The following UBE2K variants were observed in gnomAD, a reference collection of about 807,000 sequenced individuals.
UBE2K encodes the protein ubiquitin-conjugating enzyme E2 K.
UBE2K carries 6 observed loss-of-function variants against 30.0 expected under a neutral mutation model. The ratio of observed to expected loss-of-function variants is 0.20; its 90% CI spans 0.11 to 0.39. The LOEUF (loss-of-function observed/expected upper bound fraction) is 0.39. Among genes scored for constraint, UBE2K ranks in the 10% least tolerant of loss-of-function variants. The pLI is 1.00. For missense variants in UBE2K, 61 were observed against 241.6 expected, an observed-to-expected ratio of 0.25 and a Z score of 4.96; for synonymous variants, 86 against 83.7, an observed-to-expected ratio of 1.03 and a Z score of -0.15.
chr4:39,724,055 C>A (rs1038867316), intron 1 of UBE2K, among the ~76,000 whole-genome samples: 16 of 152,170 alleles, frequency 1.1e-4, no homozygotes, highest in Admixed American at 6.5e-5. Context: ...TTAGGTGATC[C>A]ACCCGCCTCA....
chr4:39,730,220 T>TG (rs1719993179), intron 1 of UBE2K, among the ~76,000 whole-genome samples: 1 of 152,210 alleles, frequency 6.6e-6, no homozygotes, highest in South Asian at 2.1e-4. Context: ...AGTCTCACTC[T>TG]GTCACACAGG....
chr4:39,770,230 C>T, intron 4 of UBE2K: 1 of 1,611,820 alleles, frequency 6.2e-7, no homozygotes, highest in Non-Finnish European at 8.5e-7. Flanking sequence ...GGCTGCGCTC[C>T]CGAGTGCAGG....
chr4:39,741,165 G>A (rs1720683004), intron 2 of UBE2K, among the ~76,000 whole-genome samples: 1 of 152,008 alleles, frequency 6.6e-6, no homozygotes, highest in Non-Finnish European at 1.5e-5. Flanking sequence ...CAGCTACTCA[G>A]GAGGCTGAGG....
At chr4:39,772,397 CAAA>C (rs34937270) in intron 4 of UBE2K, among the ~76,000 whole-genome samples, 21 of 127,216 alleles carry the variant, frequency 1.7e-4, no homozygotes, top group African/African-American at 6.1e-4. Flanking sequence ...CTGTCTCTAC[CAAA>C]AAAAAAAAAA....
chr4:39,731,932 C>T (rs1336644125), intron 1 of UBE2K, among the ~76,000 whole-genome samples: 1 of 152,034 alleles, frequency 6.6e-6, no homozygotes, highest in African/African-American at 2.4e-5. Context: ...TTACTTGTAA[C>T]TTTAGGGGGC....
chr4:39,765,336 C>A (rs181190052), intron 4 of UBE2K, among the ~76,000 whole-genome samples: 2,085 of 152,034 alleles, frequency 0.014, 43 homozygotes, highest in Non-Finnish European at 0.017. Context: ...CCAGCCTGGG[C>A]AACATGGTGA....
intron 1 of UBE2K, among the ~76,000 whole-genome samples, chr4:39,701,175 A>C (rs550033631): frequency 6.6e-6 from 1 of 152,064 alleles, no homozygotes; most frequent in Non-Finnish European, 1.5e-5. Flanking sequence ...TTTGTTTTAG[A>C]TGTTTGTTTT....
chr4:39,760,161 A>C (rs995968620), intron 4 of UBE2K, among the ~76,000 whole-genome samples: 2 of 120,726 alleles, frequency 1.7e-5, no homozygotes, highest in Non-Finnish European at 3.2e-5. Context: ...TGGGTGACAG[A>C]GCGAGACTCT....
At chr4:39,771,667 TCG>T (rs755443344) in intron 4 of UBE2K, among the ~76,000 whole-genome samples, 6 of 151,996 alleles carry the variant, frequency 3.9e-5, no homozygotes, top group African/African-American at 7.2e-5. Context: ...GTTCCAGGCC[TCG>T]CGCGCGCGGC....
chr4:39,715,940 A>G (rs1445986689), intron 1 of UBE2K, among the ~76,000 whole-genome samples: 2 of 152,102 alleles, frequency 1.3e-5, no homozygotes, highest in Non-Finnish European at 2.9e-5. Flanking sequence ...TCTCTCTACC[A>G]TGTCATACTG....
intron 1 of UBE2K, among the ~76,000 whole-genome samples, chr4:39,721,294 A>G (rs961264783): frequency 1.4e-4 from 22 of 152,074 alleles, no homozygotes; most frequent in African/African-American, 5.3e-4. Flanking sequence ...CATTTAGGAA[A>G]CCTTTTTAGG....
chr4:39,734,631 C>T (rs1321877564), intron 1 of UBE2K, among the ~76,000 whole-genome samples: 1 of 151,978 alleles, frequency 6.6e-6, no homozygotes, highest in Non-Finnish European at 1.5e-5. Flanking sequence ...AGAAACATGG[C>T]AAAACCCCCT....
At chr4:39,703,143 A>G (rs1718129712) in intron 1 of UBE2K, among the ~76,000 whole-genome samples, 1 of 151,992 alleles carries the variant, frequency 6.6e-6, no homozygotes, top group Non-Finnish European at 1.5e-5. Context: ...GGCGCCTACT[A>G]CCATGCCCGG....
At chr4:39,773,935 C>G (rs1713111509) in intron 4 of UBE2K, among the ~76,000 whole-genome samples, 1 of 151,686 alleles carries the variant, frequency 6.6e-6, no homozygotes, top group African/African-American at 2.4e-5. Context: ...CTAAACTAAA[C>G]TAAACTAACA....
chr4:39,753,935 A>G (rs557861218), intron 3 of UBE2K, among the ~76,000 whole-genome samples: 3 of 152,288 alleles, frequency 2.0e-5, no homozygotes, highest in East Asian at 3.9e-4. Context: ...AGCCTGGCCA[A>G]CATGGCGAAA....
chr4:39,701,588 G>C (rs1389282222), intron 1 of UBE2K, among the ~76,000 whole-genome samples: 1 of 152,042 alleles, frequency 6.6e-6, no homozygotes, highest in African/African-American at 2.4e-5. Context: ...ATTGTCCCAC[G>C]CTGTCATGAC....
intron 3 of UBE2K, among the ~76,000 whole-genome samples, chr4:39,749,795 T>TA (rs1721162108): frequency 6.6e-6 from 1 of 152,262 alleles, no homozygotes; most frequent in South Asian, 2.1e-4. Flanking sequence ...AATGAGCGTA[T>TA]GCTCATCTGT....
At chr4:39,704,692 C>T (rs1201364008) in intron 1 of UBE2K, among the ~76,000 whole-genome samples, 1 of 151,986 alleles carries the variant, frequency 6.6e-6, no homozygotes, top group African/African-American at 2.4e-5. Context: ...AGGCGTCTGC[C>T]ACCATGCCCA....
intron 1 of UBE2K, among the ~76,000 whole-genome samples, chr4:39,713,143 C>T (rs1002542622): frequency 2.0e-5 from 3 of 152,048 alleles, no homozygotes; most frequent in Non-Finnish European, 2.9e-5. Flanking sequence ...GGATTACAGG[C>T]GTGAGCCACC....
Sources: allele counts gnomAD v4.1 joint callset (sites outside exome capture counted in the v4.1 genomes callset), GRCh38; gene constraint gnomAD v4.1.1; transcripts MANE v1.5; gene names NCBI Gene and HGNC (gene_info 2026-07-23, HGNC 2026-07-21).